Variants in MSH3 observed in about 807,000 individuals in gnomAD.
MSH3 encodes the protein mutS homolog 3, also known as DNA mismatch repair protein Msh3.
Under a neutral mutation model 123.3 loss-of-function variants are expected in MSH3, and 106 were observed. The ratio of observed to expected loss-of-function variants is 0.86; its 90% CI spans 0.73 to 1.01. The LOEUF (loss-of-function observed/expected upper bound fraction) is 1.01. Ranked by LOEUF, MSH3 falls within the 50% of genes least tolerant of loss-of-function variation. The pLI, the probability that MSH3 is intolerant of heterozygous loss-of-function variation, is 0.00. For synonymous variants in MSH3, 515 were observed against 481.4 expected, an observed-to-expected ratio of 1.07 and a Z score of -0.91; for missense variants, 1,459 against 1,347.6, an observed-to-expected ratio of 1.08 and a Z score of -1.29.
At chr5:80,725,611 T>C in intron 9 of MSH3, 46 bp downstream of exon 9, 3 of 1,321,246 alleles carry the variant, frequency 2.3e-6, no homozygotes, top group Non-Finnish European at 2.2e-6. Context: ...GATTTGAAAT[T>C]TGGATAAAGG....
intron 10 of MSH3, among the ~76,000 whole-genome samples, chr5:80,737,901 A>G (rs1370645928): frequency 6.6e-6 from 1 of 152,186 alleles, no homozygotes; most frequent in Non-Finnish European, 1.5e-5. Context: ...TATTAAAATC[A>G]ATGTAGATAT....
chr5:80,746,740 T>C (rs1743727967), intron 12 of MSH3: 1 of 398,200 alleles, frequency 2.5e-6, no homozygotes, highest in Admixed American at 3.1e-5. Flanking sequence ...TCCAACATGG[T>C]CTTGATAGTC....
intron 2 of MSH3, among the ~76,000 whole-genome samples, chr5:80,659,787 G>GT (rs1009752745): frequency 7.9e-5 from 12 of 152,050 alleles, no homozygotes; most frequent in African/African-American, 2.9e-4. Flanking sequence ...CTGACTCACT[G>GT]TAACCCCCTT....
intron 20 of MSH3, among the ~76,000 whole-genome samples, chr5:80,825,171 A>C (rs1303005647): frequency 6.6e-6 from 1 of 152,178 alleles, no homozygotes; most frequent in Non-Finnish European, 1.5e-5. Context: ...ATAAAACACT[A>C]CAATACAATC....
chr5:80,687,515 TGA>T (rs1172794343), intron 8 of MSH3, among the ~76,000 whole-genome samples: 1 of 151,962 alleles, frequency 6.6e-6, no homozygotes, highest in African/African-American at 2.4e-5. Flanking sequence ...GAAGGCTGTA[TGA>T]AGGAGGTGGG....
At chr5:80,819,838 T>C (rs1443359483) in intron 20 of MSH3, among the ~76,000 whole-genome samples, 1 of 152,294 alleles carries the variant, frequency 6.6e-6, no homozygotes, top group Admixed American at 6.5e-5. Flanking sequence ...ATGCTAGACG[T>C]TAGGGATACA....
At chr5:80,709,073 C>T (rs1750786293) in intron 8 of MSH3, among the ~76,000 whole-genome samples, 1 of 152,034 alleles carries the variant, frequency 6.6e-6, no homozygotes, top group African/African-American at 2.4e-5. Flanking sequence ...TGGCACTGGA[C>T]CCTCTTTTTC....
At chr5:80,773,162 C>T (rs1215720805) in intron 15 of MSH3, among the ~76,000 whole-genome samples, 1 of 152,180 alleles carries the variant, frequency 6.6e-6, no homozygotes, top group East Asian at 1.9e-4. Context: ...ATGTGTCCTT[C>T]CCAAATATCA....
Position 80,654,845 on chromosome 5 carries a change from T to A in MSH3, c.118T>A (p.Ser40Thr). The change falls in exon 1 of 24, where the codon TCC (serine) becomes ACC (threonine). Residue 40 changes from serine (S) to threonine (T), a missense_variant. By Grantham distance (58) the Ser-to-Thr change is moderately conservative. Coordinates refer to ENST00000265081, the MANE Select transcript of MSH3 (RefSeq NM_002439.5). Reference protein sequence around the residue: ...STGSLKSTSSSTGAADQVDPG... With the variant: ...STGSLKSTSSTTGAADQVDPG... ...GGGAAGCCTGAAATCCACCTCCTCC[T>A]CCACAGGTGCAGCCGACCAGGTGGA... The A allele has an allele frequency of 6.3e-7, 1 of 1,597,642 alleles. No homozygotes were observed. The highest frequency in any genetic ancestry group is 8.5e-7 in the Non-Finnish European group (1 of 1,173,528).
intron 2 of MSH3, among the ~76,000 whole-genome samples, chr5:80,661,161 A>G (rs1050415354): frequency 3.3e-5 from 5 of 152,136 alleles, no homozygotes; most frequent in African/African-American, 1.2e-4. Flanking sequence ...GCTCATTTAA[A>G]GCTTCTCGAG....
chr5:80,676,797 G>A (rs1489791869), intron 7 of MSH3, among the ~76,000 whole-genome samples: 2 of 152,144 alleles, frequency 1.3e-5, no homozygotes, highest in Non-Finnish European at 2.9e-5. Context: ...TATGTAATGT[G>A]CTATTTTATA....
At chr5:80,784,841 A>G (rs1477908770) in intron 17 of MSH3, among the ~76,000 whole-genome samples, 2 of 152,210 alleles carry the variant, frequency 1.3e-5, no homozygotes, top group African/African-American at 2.4e-5. Context: ...AGAAATAGAT[A>G]AGTTATATTC....
Position 80,811,746 on chromosome 5 carries a change from G to A in MSH3, c.2656-1838G>A, listed in dbSNP as rs1029200039. Among the ~76,000 whole-genome samples, 5 of 151,926 alleles carry A rather than the reference G, an allele frequency of 3.3e-5. No individual in the cohort carries two copies. In the South Asian group the frequency reaches 6.2e-4, roughly 19 times the overall value. ...TGTTAGATTTTCTATTTCTTGTGTC[G>A]TTTTGTGATTTTTAAAAAAGGAGAT... On this transcript the variant is annotated intron_variant, in intron 19 of 23. Transcript: ENST00000265081.
At chr5:80,781,530 C>A (rs899067194) in intron 17 of MSH3, among the ~76,000 whole-genome samples, 1 of 149,908 alleles carries the variant, frequency 6.7e-6, no homozygotes, top group East Asian at 2.0e-4. Context: ...TGCAGTGATA[C>A]AATCATGACT....
intron 16 of MSH3, among the ~76,000 whole-genome samples, chr5:80,776,928 AT>A (rs551087715): frequency 0.017 from 2,363 of 139,376 alleles, 47 homozygotes; most frequent in African/African-American, 0.046. Context: ...ATATATATAT[AT>A]TTTTTTTTTT....
intron 19 of MSH3, among the ~76,000 whole-genome samples, chr5:80,802,275 AGTCTT>A (rs1056866881): frequency 2.0e-4 from 30 of 152,034 alleles, no homozygotes; most frequent in Non-Finnish European, 3.4e-4. Flanking sequence ...ATTCTTAAAA[AGTCTT>A]AAGATAACTT....
intron 17 of MSH3, among the ~76,000 whole-genome samples, chr5:80,786,412 G>A (rs955135434): frequency 2.2e-4 from 33 of 152,184 alleles, no homozygotes; most frequent in African/African-American, 7.2e-4. Context: ...TGGCTTCTTC[G>A]TAGTCTTTGA....
At chr5:80,762,795 G>T (rs39996) in intron 13 of MSH3, among the ~76,000 whole-genome samples, 5,566 of 119,756 alleles carry the variant, frequency 0.046, 137 homozygotes, top group Middle Eastern at 0.076. Flanking sequence ...TTTATTTTAT[G>T]TTATGTTATG....
chr5:80,859,108 T>G (rs1022476015), intron 21 of MSH3, among the ~76,000 whole-genome samples: 1 of 152,080 alleles, frequency 6.6e-6, no homozygotes, highest in African/African-American at 2.4e-5. Flanking sequence ...GTTAACATGA[T>G]GTATCTTCCT....
Sources: gnomAD v4.1 joint callset for allele counts (sites outside exome capture counted in the v4.1 genomes callset) on GRCh38, gnomAD v4.1.1 for gene constraint, MANE v1.5 for transcripts, NCBI Gene and HGNC (gene_info 2026-07-23, HGNC 2026-07-21) for gene names.